Variants in PARD3 observed in about 807,000 individuals in gnomAD.
PARD3 encodes partitioning defective 3 homolog.
In PARD3, 75 loss-of-function variants were observed where a neutral mutation model predicts 155.4. That is an observed-to-expected ratio of 0.48 (90% CI 0.40 to 0.58). The LOEUF is 0.58. PARD3 is among the 20% of genes least tolerant of loss of function. The pLI, the probability that PARD3 is intolerant of heterozygous loss-of-function variation, is 0.00. For missense variants in PARD3, 1,642 were observed against 1,721.7 expected, an observed-to-expected ratio of 0.95 and a Z score of 0.82; for synonymous variants, 576 against 610.5, an observed-to-expected ratio of 0.94 and a Z score of 0.83.
At chr10:34,717,133 A>G (rs1434879899) in intron 1 of PARD3, among the ~76,000 whole-genome samples, 1 of 152,146 alleles carries the variant, frequency 6.6e-6, no homozygotes, top group Non-Finnish European at 1.5e-5. Context: ...TGACAAGGGC[A>G]TCTAGTGAGT....
chr10:34,245,262 G>A (rs1953869537), intron 22 of PARD3, among the ~76,000 whole-genome samples: 1 of 152,164 alleles, frequency 6.6e-6, no homozygotes, highest in Non-Finnish European at 1.5e-5. Flanking sequence ...GTTCCACACT[G>A]ATGAGAAGGC....
At chr10:34,385,979 T>C (rs923676528) in intron 7 of PARD3, among the ~76,000 whole-genome samples, 1 of 152,246 alleles carries the variant, frequency 6.6e-6, no homozygotes, top group Non-Finnish European at 1.5e-5. Flanking sequence ...GATTCTTTCT[T>C]CATGAAAGTA....
intron 1 of PARD3, among the ~76,000 whole-genome samples, chr10:34,777,172 C>T (rs1191442497): frequency 2.6e-5 from 4 of 151,954 alleles, no homozygotes; most frequent in Admixed American, 2.6e-4. Flanking sequence ...TATGTCATTT[C>T]CCTGCTTTGG....
intron 2 of PARD3, among the ~76,000 whole-genome samples, chr10:34,540,060 G>A (rs576258022): frequency 6.6e-6 from 1 of 152,300 alleles, no homozygotes; most frequent in African/African-American, 2.4e-5. Flanking sequence ...CCCTGGAACA[G>A]AAGCCTCAGG....
rs1554804561 is a variant in PARD3 at position 34,666,777 on chromosome 10, T to TCAAAAAAAAA, written c.222+29540_222+29541insTTTTTTTTTG. Among the ~76,000 whole-genome samples the TCAAAAAAAAA allele has an allele frequency of 6.4e-3, 109 of 17,010 alleles. 5 individuals carry two copies. Among genetic ancestry groups the TCAAAAAAAAA allele is most frequent in the East Asian group, 0.023 (6 of 258 alleles). The allele number at this position is 17,010 out of a possible 152,430, so 11.2% of individuals were successfully genotyped here. A position where few individuals can be genotyped will look rare whatever the true frequency, so the allele number is the denominator to read the frequency against. ...CTTCCACCTCACCTACCCCTCCCCC[T>TCAAAAAAAAA]AAAAAAAAAAAAAAAAAAAATATAT... On this transcript the variant is annotated intron_variant, in intron 2 of 24. Coordinates refer to ENST00000374788, the MANE Select transcript of PARD3 (RefSeq NM_001184785.2).
intron 2 of PARD3, among the ~76,000 whole-genome samples, chr10:34,621,681 T>C (rs16935590): frequency 0.029 from 4,353 of 152,296 alleles, 210 homozygotes; most frequent in African/African-American, 0.099. Flanking sequence ...ACACTACACT[T>C]TCTAAAGGAG....
At position 34,119,729 on chromosome 10, in the gene PARD3, C is replaced by CCGTGCGTT; in HGVS notation, c.3544_3551dup (p.Pro1185ThrfsTer114). 6.2e-7 allele frequency: 1 copy of CCGTGCGTT among 1,611,170 alleles called. No homozygotes were observed. Among genetic ancestry groups the CCGTGCGTT allele is most frequent in the Non-Finnish European group, 8.5e-7 (1 of 1,178,062 alleles). On this transcript the variant is annotated frameshift_variant, in exon 24 of 25. Coordinates refer to ENST00000374788, the MANE Select transcript of PARD3 (RefSeq NM_001184785.2). LOFTEE classifies it high-confidence loss of function. The stretch of plus-strand genomic sequence containing the variant: ...AGTGTCGCCCGCTCTGCGTCGCCGG[C>CCGTGCGTT]CGTGCGTTCGGCTGGAAGAGGAAAA...
chr10:34,285,884 C>G (rs7092183), intron 20 of PARD3, among the ~76,000 whole-genome samples: 6 of 152,000 alleles, frequency 3.9e-5, no homozygotes, highest in Non-Finnish European at 8.8e-5. Context: ...TATTATTATA[C>G]AGTAATCAAA....
chr10:34,144,840 A>G (rs1948377792), intron 22 of PARD3, among the ~76,000 whole-genome samples: 1 of 151,958 alleles, frequency 6.6e-6, no homozygotes, highest in Non-Finnish European at 1.5e-5. Context: ...ATTAAGCCCA[A>G]TTTTTTTCCT....
At position 34,306,876 on chromosome 10, in the gene PARD3, C is replaced by T. The variant is rs1464281294; in HGVS notation, c.3065+10231G>A. 4.6e-5 allele frequency among the ~76,000 whole-genome samples: 7 copies of T among 151,988 alleles called. No homozygotes were observed. In the East Asian group the frequency reaches 5.8e-4, roughly 13 times the overall value. ...GAAGTTTCCAGCATACACTATTCACCGCTGATTCCAAAAGTATTTTTTTTT... is the reference window on the plus strand; with the variant it reads ...GAAGTTTCCAGCATACACTATTCACTGCTGATTCCAAAAGTATTTTTTTTT... On this transcript the variant is annotated intron_variant, in intron 20 of 24. Transcript: ENST00000374788.
chr10:34,552,769 C>T (rs896632340), intron 2 of PARD3, among the ~76,000 whole-genome samples: 13 of 151,998 alleles, frequency 8.6e-5, no homozygotes, highest in South Asian at 6.2e-4. Flanking sequence ...TTAACTACTG[C>T]CTATGACCAT....
At chr10:34,419,621 G>C (rs1310229912) in intron 5 of PARD3, among the ~76,000 whole-genome samples, 3 of 152,138 alleles carry the variant, frequency 2.0e-5, no homozygotes, top group Non-Finnish European at 4.4e-5. Flanking sequence ...TTTAGAAAAT[G>C]TTTTAAATGT....
intron 5 of PARD3, among the ~76,000 whole-genome samples, chr10:34,413,140 TATATACACAC>T (rs1011420654): frequency 7.0e-5 from 8 of 113,864 alleles, no homozygotes; most frequent in African/African-American, 1.9e-4. Context: ...ACTTCAGATA[TATATACACAC>T]ACACACACAC....
At chr10:34,449,792 TA>T (rs1438494193) in intron 5 of PARD3, among the ~76,000 whole-genome samples, 2 of 152,176 alleles carry the variant, frequency 1.3e-5, no homozygotes, top group Non-Finnish European at 2.9e-5. Context: ...GTGAAACAGA[TA>T]ACTCTAAAGA....
chr10:34,496,717 T>C (rs1430363816), intron 3 of PARD3, among the ~76,000 whole-genome samples: 4 of 152,134 alleles, frequency 2.6e-5, no homozygotes, highest in African/African-American at 2.4e-5. Context: ...GAACAACCTA[T>C]AGACTAAAAG....
At chr10:34,195,234 CTT>C (rs1223864729) in intron 22 of PARD3, among the ~76,000 whole-genome samples, 3 of 152,160 alleles carry the variant, frequency 2.0e-5, no homozygotes, top group Non-Finnish European at 4.4e-5. Flanking sequence ...TCAAGACAAA[CTT>C]AATTATTTTT....
chr10:34,344,280 GTTTTTTTTT>G (rs34595794), intron 15 of PARD3: 11 of 873,520 alleles, frequency 1.3e-5, no homozygotes, highest in Middle Eastern at 6.1e-4. Context: ...GTTTGTTTTT[GTTTTTTTTT>G]TTTTTTTTTT....
intron 3 of PARD3, among the ~76,000 whole-genome samples, chr10:34,478,686 G>A (rs1261270691): frequency 6.6e-6 from 1 of 152,170 alleles, no homozygotes; most frequent in African/African-American, 2.4e-5. Flanking sequence ...TGGGATTACA[G>A]GCATGTGCCA....
chr10:34,287,616 T>C (rs1956461788), intron 20 of PARD3, among the ~76,000 whole-genome samples: 2 of 152,356 alleles, frequency 1.3e-5, no homozygotes, highest in Admixed American at 6.5e-5. Flanking sequence ...TTGAGTTAAT[T>C]AGCTATGTTA....
Sources: allele counts gnomAD v4.1 joint callset (sites outside exome capture counted in the v4.1 genomes callset), GRCh38; gene constraint gnomAD v4.1.1; transcripts MANE v1.5; gene names NCBI Gene and HGNC (gene_info 2026-07-23, HGNC 2026-07-21).